SRBD1: variants seen among roughly 807,000 people sequenced by gnomAD.
SRBD1 encodes S1 RNA-binding domain-containing protein 1.
In SRBD1, 88 loss-of-function variants were observed where a neutral mutation model predicts 115.3. The ratio of observed to expected loss-of-function variants is 0.76; its 90% confidence interval spans 0.64 to 0.91. SRBD1 has a LOEUF of 0.91. SRBD1 is among the 40% of genes least tolerant of loss of function. SRBD1 has a pLI of 0.00. For synonymous variants in SRBD1, 509 were observed against 407.7 expected (o/e 1.25, Z -2.99); for missense variants, 1,385 against 1,177.4 (o/e 1.18, Z -2.58).
At chr2:45,391,358 C>T (rs1572583324) in intron 20 of SRBD1, among the ~76,000 whole-genome samples, 1 of 151,994 alleles carries the variant, frequency 6.6e-6, no homozygotes. Flanking sequence ...ATTAATTACA[C>T]CATTGACAAA....
intron 16 of SRBD1, among the ~76,000 whole-genome samples, chr2:45,469,959 T>A (rs1669597901): frequency 6.6e-6 from 1 of 152,226 alleles, no homozygotes; most frequent in Non-Finnish European, 1.5e-5. Context: ...TTTAGAACAA[T>A]TTCCTCTGTT....
At chr2:45,502,871 G>C (rs761154767) in intron 14 of SRBD1, among the ~76,000 whole-genome samples, 5 of 151,996 alleles carry the variant, frequency 3.3e-5, no homozygotes, top group Non-Finnish European at 7.4e-5. Context: ...CCATGCTGGA[G>C]TACAGTGGCA....
intron 16 of SRBD1, among the ~76,000 whole-genome samples, chr2:45,454,264 T>G (rs17394025): frequency 6.6e-6 from 1 of 151,634 alleles, no homozygotes; most frequent in Non-Finnish European, 1.5e-5. Flanking sequence ...TGTGAGATAA[T>G]GACTGGGAGC....
At chr2:45,394,146 C>T (rs1667080188) in intron 19 of SRBD1, among the ~76,000 whole-genome samples, 1 of 152,156 alleles carries the variant, frequency 6.6e-6, no homozygotes, top group Non-Finnish European at 1.5e-5. Flanking sequence ...ATTCTTTATA[C>T]ATTATGTAAC....
chr2:45,452,673 C>G (rs553903469), intron 16 of SRBD1, among the ~76,000 whole-genome samples: 5 of 152,030 alleles, frequency 3.3e-5, no homozygotes, highest in African/African-American at 9.6e-5. Context: ...TCACCTAGTA[C>G]TATAGCATTC....
intron 19 of SRBD1, among the ~76,000 whole-genome samples, chr2:45,406,242 G>T (rs1391635098): frequency 6.6e-6 from 1 of 152,130 alleles, no homozygotes; most frequent in Non-Finnish European, 1.5e-5. Flanking sequence ...GAGGAGCAGT[G>T]TAGGGAAGGA....
intron 16 of SRBD1, among the ~76,000 whole-genome samples, chr2:45,450,349 G>C (rs1017656172): frequency 6.6e-6 from 1 of 151,984 alleles, no homozygotes; most frequent in African/African-American, 2.4e-5. Flanking sequence ...TGAAATTGTA[G>C]GTATAATTGA....
chr2:45,485,985 G>C (rs767755687), intron 15 of SRBD1, among the ~76,000 whole-genome samples: 19 of 152,170 alleles, frequency 1.2e-4, no homozygotes, highest in Non-Finnish European at 2.2e-4. Flanking sequence ...ACATAGAAGT[G>C]AGCTAAGACA....
Position 45,410,352 on chromosome 2 carries a change from T to C in SRBD1, c.2513+2762A>G, listed in dbSNP as rs560199350. Among the ~76,000 whole-genome samples the C allele has an allele frequency of 2.0e-5, 3 of 152,150 alleles. No homozygotes were observed. In the South Asian group the frequency reaches 6.2e-4, roughly 32 times the overall value. ...GAAAACTGAACTTTCATCTACCTCA[T>C]GACTTATCAATTCCTCTCGTATGTA... On this transcript the variant is annotated intron_variant, in intron 19 of 20. Transcript: ENST00000263736.
At chr2:45,465,214 A>C (rs1669447885) in intron 16 of SRBD1, among the ~76,000 whole-genome samples, 1 of 152,144 alleles carries the variant, frequency 6.6e-6, no homozygotes, top group Non-Finnish European at 1.5e-5. Flanking sequence ...ATAATACCTA[A>C]TACGGTGTAA....
chr2:45,445,027 T>C (rs977226981), intron 16 of SRBD1, among the ~76,000 whole-genome samples: 14 of 152,170 alleles, frequency 9.2e-5, no homozygotes, highest in African/African-American at 3.4e-4. Context: ...AAGACAAAAG[T>C]CATCCCGACC....
chr2:45,574,481 G>A, intron 8 of SRBD1, 146 bp downstream of exon 8: 2 of 649,632 alleles, frequency 3.1e-6, no homozygotes, highest in South Asian at 2.1e-5. Flanking sequence ...ATATATTTGG[G>A]CTCTGTTGTT....
intron 9 of SRBD1, among the ~76,000 whole-genome samples, 157 bp from the exon 10 acceptor site, chr2:45,562,913 A>G (rs1287944947): frequency 6.6e-6 from 1 of 152,222 alleles, no homozygotes; most frequent in Admixed American, 6.5e-5. Flanking sequence ...CAAGTAACAT[A>G]CCTCCCACAT....
chr2:45,596,988 T>TAACA (rs139080511), intron 4 of SRBD1, among the ~76,000 whole-genome samples: 88 of 140,974 alleles, frequency 6.2e-4, no homozygotes, highest in African/African-American at 2.1e-3. Flanking sequence ...CCCACAACCC[T>TAACA]CACACACACA....
chr2:45,413,007 C>A, intron 19 of SRBD1, 107 bp downstream of exon 19: 7 of 1,291,640 alleles, frequency 5.4e-6, no homozygotes, highest in Non-Finnish European at 7.4e-6. Flanking sequence ...AATGTTGTCA[C>A]ATTAAACGGT....
At chr2:45,424,366 C>T (rs145892857) in intron 16 of SRBD1, among the ~76,000 whole-genome samples, 32 of 152,130 alleles carry the variant, frequency 2.1e-4, no homozygotes, top group African/African-American at 7.2e-4. Flanking sequence ...GATTATTTTG[C>T]TACTCACAAT....
chr2:45,514,816 A>T (rs748236493), intron 14 of SRBD1, among the ~76,000 whole-genome samples: 2 of 152,200 alleles, frequency 1.3e-5, no homozygotes, highest in Non-Finnish European at 2.9e-5. Flanking sequence ...TTGCACTTAA[A>T]CCACTTTTAA....
At chr2:45,480,273 T>TAAATA (rs1669921678) in intron 15 of SRBD1, among the ~76,000 whole-genome samples, 1 of 152,188 alleles carries the variant, frequency 6.6e-6, no homozygotes, top group African/African-American at 2.4e-5. Flanking sequence ...TTTGTAAGGC[T>TAAATA]ATAGCTGCCA....
At chr2:45,437,785 G>C (rs946046155) in intron 16 of SRBD1, among the ~76,000 whole-genome samples, 4 of 152,032 alleles carry the variant, frequency 2.6e-5, no homozygotes, top group Non-Finnish European at 5.9e-5. Context: ...AGACCTAAAT[G>C]TAAAACATGA....
Sources: allele counts gnomAD v4.1 joint callset (sites outside exome capture counted in the v4.1 genomes callset), GRCh38; gene constraint gnomAD v4.1.1; transcripts MANE v1.5; gene names NCBI Gene and HGNC (gene_info 2026-07-23, HGNC 2026-07-21).